Variants in CSMD1 observed in about 807,000 individuals in gnomAD.
The protein encoded by CSMD1 is CUB and sushi domain-containing protein 1.
In CSMD1, 213 loss-of-function variants were observed where a neutral mutation model predicts 417.5. The observed-to-expected ratio is 0.51, with a 90% CI of 0.46 to 0.57. The LOEUF (loss-of-function observed/expected upper bound fraction) is 0.57, where lower values mean the gene tolerates loss of function less well. Among genes scored for constraint, CSMD1 ranks in the 20% least tolerant of loss-of-function variants. The probability of loss-of-function intolerance (pLI) is 0.00; values close to 1 mark genes in which losing one functional copy is unlikely to be tolerated. For missense variants in CSMD1, 6,923 were observed against 4,529.7 expected, an observed-to-expected ratio of 1.53 and a Z score of -15.17; for synonymous variants, 2,862 against 1,736.8, an observed-to-expected ratio of 1.65 and a Z score of -16.11.
At chr8:3,141,798 A>ATC (rs1323276082) in intron 41 of CSMD1, among the ~76,000 whole-genome samples, 1 of 79,210 alleles carries the variant, frequency 1.3e-5, no homozygotes, top group Non-Finnish European at 2.7e-5. Flanking sequence ...CCGCCAAATT[A>ATC]TCTTTTTTTT....
At chr8:3,547,237 C>G (rs150621040) in intron 10 of CSMD1, among the ~76,000 whole-genome samples, 3 of 152,228 alleles carry the variant, frequency 2.0e-5, no homozygotes, top group Non-Finnish European at 4.4e-5. Context: ...AGTGAGCAAG[C>G]CTCTTCTTGT....
chr8:4,126,408 T>A (rs919801320), intron 3 of CSMD1, among the ~76,000 whole-genome samples: 4 of 152,124 alleles, frequency 2.6e-5, no homozygotes, highest in Non-Finnish European at 5.9e-5. Context: ...CAAACACCCA[T>A]CACAGGACAG....
At position 4,059,275 on chromosome 8, in the gene CSMD1, T is replaced by G. The variant is rs368781024; in HGVS notation, c.416-27176A>C. 4.9e-4 allele frequency among the ~76,000 whole-genome samples: 75 copies of G among 152,258 alleles called. 1 individual carries two copies. In the East Asian group the frequency reaches 5.4e-3, roughly 11 times the overall value. On this transcript the variant is annotated intron_variant, in intron 3 of 69. Coordinates refer to ENST00000635120, the MANE Select transcript of CSMD1 (RefSeq NM_033225.6). ...GAAAGACACAACATACCAGAATCTC[T>G]GGGACACATTCAAAACACTGTGTAG...
chr8:3,390,353 T>A (rs1283837386), intron 17 of CSMD1, among the ~76,000 whole-genome samples: 4 of 23,946 alleles, frequency 1.7e-4, no homozygotes, highest in African/African-American at 3.9e-4. Context: ...AGACTCTGTC[T>A]CAAAAAAAAA....
chr8:3,119,846 A>C (rs1203013802), intron 41 of CSMD1, among the ~76,000 whole-genome samples: 1 of 152,168 alleles, frequency 6.6e-6, no homozygotes, highest in Non-Finnish European at 1.5e-5. Flanking sequence ...TGCTGAAACC[A>C]ACCCTCAGCG....
intron 3 of CSMD1, among the ~76,000 whole-genome samples, chr8:4,345,104 G>C (rs1399837215): frequency 6.6e-6 from 1 of 152,140 alleles, no homozygotes; most frequent in Non-Finnish European, 1.5e-5. Flanking sequence ...TGATGGGGCA[G>C]CCAAGGGGAG....
chr8:3,190,274 G>T (rs755166611), intron 33 of CSMD1, among the ~76,000 whole-genome samples, 159 bp from the exon 34 acceptor site: 3 of 106,030 alleles, frequency 2.8e-5, no homozygotes, highest in African/African-American at 1.1e-4. Flanking sequence ...TGAGGCGCTG[G>T]GACCACGCAG....
intron 5 of CSMD1, among the ~76,000 whole-genome samples, chr8:3,816,714 G>C (rs185397641): frequency 6.6e-6 from 1 of 152,124 alleles, no homozygotes; most frequent in African/African-American, 2.4e-5. Context: ...ACAAATCATG[G>C]GAATGTATTT....
intron 3 of CSMD1, among the ~76,000 whole-genome samples, chr8:4,158,576 A>C (rs746279510): frequency 2.6e-4 from 39 of 152,212 alleles, no homozygotes; most frequent in Non-Finnish European, 5.1e-4. Flanking sequence ...ATGACAGAAC[A>C]GTCCTCGTTC....
chr8:3,748,417 G>C (rs554939839), intron 6 of CSMD1, among the ~76,000 whole-genome samples: 1 of 152,170 alleles, frequency 6.6e-6, no homozygotes, highest in African/African-American at 2.4e-5. Flanking sequence ...ACAGGCAGGA[G>C]GCCCATGTGG....
At chr8:4,761,960 T>C (rs1812137552) in intron 1 of CSMD1, among the ~76,000 whole-genome samples, 1 of 150,130 alleles carries the variant, frequency 6.7e-6, no homozygotes. Flanking sequence ...TCTATCTATC[T>C]ATCTAGATTC....
At chr8:4,797,840 G>C (rs1350789617) in intron 1 of CSMD1, among the ~76,000 whole-genome samples, 1 of 152,114 alleles carries the variant, frequency 6.6e-6, no homozygotes, top group East Asian at 1.9e-4. Context: ...ATTATCAAGA[G>C]AAACCATATA....
Position 4,357,550 on chromosome 8 carries a change from G to A in CSMD1, c.415+62403C>T, listed in dbSNP as rs549967841. On this transcript the variant is annotated intron_variant, in intron 3 of 69. Transcript: ENST00000635120. ...TAAGTAAGTTGGAAATGCACAGTTG[G>A]AAAAAAAAAATCTGTCATTCTCCAT... Among the ~76,000 whole-genome samples, 108 of 149,300 alleles carry A rather than the reference G, an allele frequency of 7.2e-4. 1 individual carries two copies. The highest frequency in any genetic ancestry group is 1.3e-3 in the Admixed American group (19 of 14,974).
chr8:3,515,019 A>C (rs1797228707), intron 10 of CSMD1, among the ~76,000 whole-genome samples: 1 of 152,228 alleles, frequency 6.6e-6, no homozygotes, highest in Non-Finnish European at 1.5e-5. Flanking sequence ...CCTAACATTT[A>C]ATCAAATTTA....
At chr8:4,555,909 G>A (rs181683639) in intron 2 of CSMD1, among the ~76,000 whole-genome samples, 6 of 152,196 alleles carry the variant, frequency 3.9e-5, no homozygotes, top group African/African-American at 9.6e-5. Context: ...TCTTTACTGT[G>A]TAAAATATGA....
At chr8:4,758,269 T>A (rs1175035750) in intron 1 of CSMD1, among the ~76,000 whole-genome samples, 1 of 152,214 alleles carries the variant, frequency 6.6e-6, no homozygotes, top group Non-Finnish European at 1.5e-5. Flanking sequence ...AGGATTTATA[T>A]TTCAGCTGTT....
chr8:4,361,214 G>C (rs553969908), intron 3 of CSMD1, among the ~76,000 whole-genome samples: 2 of 152,086 alleles, frequency 1.3e-5, no homozygotes, highest in African/African-American at 4.8e-5. Flanking sequence ...CTGGTTTTCA[G>C]TGGAATACCT....
Position 4,099,845 on chromosome 8 carries a change from C to T in CSMD1, c.416-67746G>A, listed in dbSNP as rs569445795. ...GTATCCACATCTTGCTCCCTTAGAA[C>T]ATCCTTCTTTTCCGTTTATTTAAGT... On this transcript the variant is annotated intron_variant, in intron 3 of 69. Coordinates refer to ENST00000635120, the MANE Select transcript of CSMD1 (RefSeq NM_033225.6). 1.1e-4 allele frequency among the ~76,000 whole-genome samples: 17 copies of T among 152,248 alleles called. No individual in the cohort carries two copies. In the East Asian group the frequency reaches 3.1e-3, roughly 28 times the overall value.
At chr8:4,664,240 A>G (rs1474478810) in intron 1 of CSMD1, among the ~76,000 whole-genome samples, 1 of 152,160 alleles carries the variant, frequency 6.6e-6, no homozygotes, top group Non-Finnish European at 1.5e-5. Flanking sequence ...AAACACTAAA[A>G]TATTATTTCT....
Sources: gnomAD v4.1 joint callset for allele counts (sites outside exome capture counted in the v4.1 genomes callset) on GRCh38, gnomAD v4.1.1 for gene constraint, MANE v1.5 for transcripts, NCBI Gene and HGNC (gene_info 2026-07-23, HGNC 2026-07-21) for gene names.